The following VPS41 variants were observed in gnomAD, a reference collection of about 807,000 sequenced individuals.
The protein encoded by VPS41 is VPS41 subunit of HOPS complex.
In VPS41, 85 loss-of-function variants were observed where a neutral mutation model predicts 130.9. The observed-to-expected ratio is 0.65, with a 90% CI of 0.55 to 0.78. The LOEUF (loss-of-function observed/expected upper bound fraction) is 0.78, where lower values mean the gene tolerates loss of function less well. Ranked by LOEUF, VPS41 falls within the 30% of genes least tolerant of loss-of-function variation. The probability of loss-of-function intolerance (pLI) is 0.00; values close to 1 mark genes in which losing one functional copy is unlikely to be tolerated. For missense variants in VPS41, 874 were observed against 1,018.7 expected (o/e 0.86, Z 1.93); for synonymous variants, 335 against 332.9 (o/e 1.01, Z -0.07).
intron 5 of VPS41, among the ~76,000 whole-genome samples, chr7:38,826,365 G>A (rs1054322953): frequency 1.3e-5 from 2 of 152,152 alleles, no homozygotes; most frequent in African/African-American, 4.8e-5. Context: ...AAAAAGTCCT[G>A]CAGAACATTC....
At chr7:38,907,928 C>T (rs1460992262) in intron 1 of VPS41, among the ~76,000 whole-genome samples, 1 of 152,114 alleles carries the variant, frequency 6.6e-6, no homozygotes, top group Non-Finnish European at 1.5e-5. Flanking sequence ...TGAGTGTTTT[C>T]CTTTGAACTG....
At chr7:38,900,383 T>G (rs1203583025) in intron 1 of VPS41, among the ~76,000 whole-genome samples, 1 of 152,112 alleles carries the variant, frequency 6.6e-6, no homozygotes, top group African/African-American at 2.4e-5. Context: ...GAGTAGAGAA[T>G]GGCAGACCAC....
chr7:38,868,390 T>G (rs182426832), intron 3 of VPS41, among the ~76,000 whole-genome samples: 206 of 152,200 alleles, frequency 1.4e-3, no homozygotes, highest in Non-Finnish European at 2.4e-3. Context: ...AGGAACTGGG[T>G]GGGAAGCAAG....
At chr7:38,839,716 C>T (rs868660316) in intron 4 of VPS41, among the ~76,000 whole-genome samples, 3 of 152,094 alleles carry the variant, frequency 2.0e-5, no homozygotes, top group Admixed American at 6.6e-5. Context: ...CAGGTGTGAG[C>T]CACTGTACAG....
At chr7:38,750,745 G>C (rs2115694564) in intron 22 of VPS41, among the ~76,000 whole-genome samples, 1 of 152,322 alleles carries the variant, frequency 6.6e-6, no homozygotes, top group East Asian at 1.9e-4. Flanking sequence ...GTGTGTGAGA[G>C]ATATAGAGAT....
chr7:38,818,489 C>G (rs1176009154), intron 6 of VPS41, among the ~76,000 whole-genome samples: 1 of 152,162 alleles, frequency 6.6e-6, no homozygotes, highest in African/African-American at 2.4e-5. Context: ...CTTTCTCCAG[C>G]CCCTTGCTAC....
chr7:38,833,565 C>A (rs1204720114), intron 4 of VPS41, among the ~76,000 whole-genome samples: 3 of 152,156 alleles, frequency 2.0e-5, no homozygotes, highest in African/African-American at 7.2e-5. Flanking sequence ...CTACTCTGTG[C>A]TGGTAATCAT....
intron 27 of VPS41, among the ~76,000 whole-genome samples, chr7:38,727,542 T>C (rs1239251361): frequency 6.6e-6 from 1 of 152,194 alleles, no homozygotes; most frequent in East Asian, 1.9e-4. Context: ...GAGTTAAATC[T>C]AACTGTAGAG....
At chr7:38,784,727 G>C (rs1355276431) in intron 10 of VPS41, among the ~76,000 whole-genome samples, 1 of 152,168 alleles carries the variant, frequency 6.6e-6, no homozygotes, top group Non-Finnish European at 1.5e-5. Flanking sequence ...CACTGCAGTT[G>C]GCAAGAACAG....
intron 5 of VPS41, among the ~76,000 whole-genome samples, chr7:38,829,317 T>G (rs1785339733): frequency 6.6e-6 from 1 of 152,198 alleles, no homozygotes; most frequent in African/African-American, 2.4e-5. Flanking sequence ...GTTAACAGAT[T>G]AAATGGGTAT....
rs763222842 is a variant in VPS41, at chr7:38,745,575, C to T, written c.1965G>A (p.Glu655=). 5.0e-6 allele frequency: 8 copies of T among 1,609,112 alleles called. No individual in the cohort carries two copies. The African/African-American group carries it at 9.4e-5, about 19-fold the overall frequency. Residue 655 remains glutamate, a synonymous_variant, in exon 23 of 29, where the codon GAG becomes GAA. Transcript: ENST00000310301. ...GCTACTTACTCAGAAGATAAACTGT[C>T]TCTTCTACAAAGTTTCTCTGTTGAC... The part of the protein sequence containing the change: ...EICQQRNFVE[E]TVYLLSRMGN...
At position 38,901,050 on chromosome 7, in the gene VPS41, C is replaced by T. The variant is rs1024513130; in HGVS notation, c.22-2921G>A. Among the ~76,000 whole-genome samples, 19 of 152,256 alleles carry T rather than the reference C, an allele frequency of 1.2e-4. No homozygotes were observed. In the East Asian group the frequency reaches 3.7e-3, roughly 29 times the overall value. Reference sequence around the variant, plus strand: ...TTCAAACTTTTTTTTTAGCTTCACACTCTCATTTAAAGAATCTAACTTCAA... The same window carrying T: ...TTCAAACTTTTTTTTTAGCTTCACATTCTCATTTAAAGAATCTAACTTCAA... On this transcript the variant is annotated intron_variant, in intron 1 of 28. Coordinates refer to ENST00000310301, the MANE Select transcript of VPS41 (RefSeq NM_014396.4).
chr7:38,899,272 A>C (rs1327565645), intron 1 of VPS41, among the ~76,000 whole-genome samples: 2 of 152,182 alleles, frequency 1.3e-5, no homozygotes, highest in African/African-American at 4.8e-5. Context: ...GAATATTAGA[A>C]TCTCCTCTGT....
chr7:38,887,832 C>G (rs1177937914), intron 2 of VPS41, among the ~76,000 whole-genome samples: 1 of 152,214 alleles, frequency 6.6e-6, no homozygotes, highest in African/African-American at 2.4e-5. Context: ...GCAGGTCTCT[C>G]TGCAGAAACC....
chr7:38,899,309 T>G (rs1455626988), intron 1 of VPS41, among the ~76,000 whole-genome samples: 1 of 152,270 alleles, frequency 6.6e-6, no homozygotes, highest in African/African-American at 2.4e-5. Flanking sequence ...TTTAGCTTAA[T>G]GTCAATCCAA....
chr7:38,865,811 C>G (rs552551639), intron 3 of VPS41, among the ~76,000 whole-genome samples: 14 of 152,044 alleles, frequency 9.2e-5, no homozygotes, highest in Admixed American at 2.6e-4. Flanking sequence ...GAAAGGTCAG[C>G]TAATAAGAGG....
intron 15 of VPS41, 42 bp from the exon 16 acceptor site, chr7:38,765,703 AAAAAAAC>A: frequency 7.7e-7 from 1 of 1,295,896 alleles, no homozygotes; most frequent in Non-Finnish European, 1.1e-6. Flanking sequence ...AGTATATATT[AAAAAAAC>A]AAAAAACAAA....
At chr7:38,744,676 T>C (rs745757882) in intron 23 of VPS41, among the ~76,000 whole-genome samples, 9 of 152,168 alleles carry the variant, frequency 5.9e-5, no homozygotes, top group Non-Finnish European at 8.8e-5. Flanking sequence ...AAATTGTGAT[T>C]AGAACCCCAG....
intron 4 of VPS41, among the ~76,000 whole-genome samples, chr7:38,840,827 T>C (rs1263558909): frequency 6.6e-6 from 1 of 152,142 alleles, no homozygotes. Flanking sequence ...AAGAGAGGAC[T>C]TCCTTCATTG....
Sources: gnomAD v4.1 joint callset for allele counts (sites outside exome capture counted in the v4.1 genomes callset) on GRCh38, gnomAD v4.1.1 for gene constraint, MANE v1.5 for transcripts, NCBI Gene and HGNC (gene_info 2026-07-23, HGNC 2026-07-21) for gene names.